Variants in EPHA6 observed in about 807,000 individuals in gnomAD.
EPHA6 encodes EPH receptor A6.
Under a neutral mutation model 112.0 loss-of-function variants are expected in EPHA6, and 50 were observed. That is an observed-to-expected ratio of 0.45 (90% confidence interval 0.36 to 0.56). The LOEUF is 0.56. Ranked by LOEUF, EPHA6 falls within the 20% of genes least tolerant of loss-of-function variation. The probability of loss-of-function intolerance (pLI) is 0.00; values close to 1 mark genes in which losing one functional copy is unlikely to be tolerated. For synonymous variants in EPHA6, 529 were observed against 490.7 expected (o/e 1.08, Z -1.03); for missense variants, 1,280 against 1,417.4 (o/e 0.90, Z 1.56).
chr3:97,410,394 T>C (rs375986980), intron 6 of EPHA6, among the ~76,000 whole-genome samples: 68 of 152,202 alleles, frequency 4.5e-4, no homozygotes, highest in African/African-American at 1.5e-3. Flanking sequence ...TCATTTTCTT[T>C]TGTTGTATTT....
intron 8 of EPHA6, among the ~76,000 whole-genome samples, chr3:97,477,424 G>A (rs545079727): frequency 7.5e-6 from 1 of 132,842 alleles, no homozygotes; most frequent in East Asian, 2.6e-4. Flanking sequence ...GAAAGAGAAA[G>A]AGAAAGAGAG....
intron 2 of EPHA6, among the ~76,000 whole-genome samples, chr3:96,924,290 T>C (rs924836268): frequency 1.3e-5 from 2 of 152,172 alleles, no homozygotes; most frequent in African/African-American, 4.8e-5. Context: ...GCATGGAATG[T>C]TTTCCATTTG....
At chr3:97,268,535 G>A (rs961719525) in intron 5 of EPHA6, among the ~76,000 whole-genome samples, 1 of 152,168 alleles carries the variant, frequency 6.6e-6, no homozygotes, top group African/African-American at 2.4e-5. Context: ...AAGCAGCTGG[G>A]AGCCTAAATA....
intron 2 of EPHA6, among the ~76,000 whole-genome samples, chr3:96,943,211 T>G (rs982149659): frequency 6.6e-6 from 1 of 152,036 alleles, no homozygotes; most frequent in Non-Finnish European, 1.5e-5. Flanking sequence ...ATATATATAT[T>G]TTTTTCTTTA....
At chr3:97,644,145 C>T (rs372017139) in intron 14 of EPHA6, among the ~76,000 whole-genome samples, 3 of 151,194 alleles carry the variant, frequency 2.0e-5, no homozygotes, top group South Asian at 4.2e-4. Context: ...CACTCAAAAC[C>T]GCTCAACTAC....
intron 5 of EPHA6, among the ~76,000 whole-genome samples, chr3:97,293,818 T>C (rs1322352847): frequency 1.3e-5 from 2 of 152,178 alleles, no homozygotes; most frequent in Admixed American, 6.5e-5. Context: ...CATCAACATG[T>C]CCATGGATCC....
Position 97,756,655 on chromosome 3 carries a change from T to C in EPHA6, c.*7954T>C, listed in dbSNP as rs2036033344. On this transcript the variant is annotated 3_prime_UTR_variant, in exon 18 of 18. Transcript: ENST00000389672. ...TCATTTTATTCTTACCAAAAAAATG[T>C]AGCTTTGATAAAATTTTATGGTTTT... Among the ~76,000 whole-genome samples, 1 of 151,868 alleles carries C rather than the reference T, an allele frequency of 6.6e-6. No individual in the cohort carries two copies. Among genetic ancestry groups the C allele is most frequent in the Non-Finnish European group, 1.5e-5 (1 of 67,772 alleles).
At chr3:97,516,199 T>C (rs1201221008) in intron 10 of EPHA6, among the ~76,000 whole-genome samples, 1 of 152,166 alleles carries the variant, frequency 6.6e-6, no homozygotes, top group Admixed American at 6.5e-5. Context: ...ACAATGATAC[T>C]AAAGCAAGAA....
intron 3 of EPHA6, among the ~76,000 whole-genome samples, chr3:97,196,368 G>A (rs1202795868): frequency 1.3e-5 from 2 of 151,640 alleles, no homozygotes; most frequent in Non-Finnish European, 2.9e-5. Context: ...TATCTGACAG[G>A]ATTCTGAATT....
intron 2 of EPHA6, among the ~76,000 whole-genome samples, chr3:96,983,762 T>C (rs535849418): frequency 3.1e-4 from 47 of 152,368 alleles, no homozygotes; most frequent in Non-Finnish European, 5.1e-4. Context: ...CTTTTTATTC[T>C]GTTTTCTCTA....
chr3:97,546,471 G>A (rs1476379520), intron 11 of EPHA6, among the ~76,000 whole-genome samples: 2 of 152,154 alleles, frequency 1.3e-5, no homozygotes, highest in South Asian at 4.1e-4. Flanking sequence ...AGGGTAACCC[G>A]ACCTTTCTCT....
At chr3:97,445,773 A>C (rs533900641) in intron 6 of EPHA6, among the ~76,000 whole-genome samples, 28 of 151,964 alleles carry the variant, frequency 1.8e-4, no homozygotes, top group Admixed American at 1.6e-3. Context: ...TGAAAAAAAG[A>C]AATTATAAAA....
At chr3:97,465,077 A>C (rs545805451) in intron 7 of EPHA6, among the ~76,000 whole-genome samples, 1 of 152,112 alleles carries the variant, frequency 6.6e-6, no homozygotes, top group Non-Finnish European at 1.5e-5. Flanking sequence ...TTGTGAAGAT[A>C]CTAGTTAAAA....
intron 5 of EPHA6, among the ~76,000 whole-genome samples, chr3:97,309,448 A>G (rs970992893): frequency 6.6e-6 from 1 of 151,644 alleles, no homozygotes; most frequent in Non-Finnish European, 1.5e-5. Context: ...AATATCAACT[A>G]TTTAGTAATA....
intron 6 of EPHA6, among the ~76,000 whole-genome samples, chr3:97,437,515 G>A (rs540187573): frequency 2.6e-4 from 39 of 152,200 alleles, no homozygotes; most frequent in African/African-American, 8.4e-4. Flanking sequence ...AGTGGCATTT[G>A]TTGCTAAGTT....
intron 10 of EPHA6, among the ~76,000 whole-genome samples, chr3:97,527,512 C>A (rs2092637914): frequency 6.6e-6 from 1 of 152,038 alleles, no homozygotes; most frequent in South Asian, 2.1e-4. Context: ...CCTCTTTACC[C>A]TGTTGGTGAG....
chr3:97,289,557 T>G (rs978938649), intron 5 of EPHA6, among the ~76,000 whole-genome samples: 1 of 152,164 alleles, frequency 6.6e-6, no homozygotes, highest in Non-Finnish European at 1.5e-5. Flanking sequence ...GTTTTGTCTA[T>G]TTCAGTTCTT....
Position 96,814,852 on chromosome 3 carries a change from C to G in EPHA6, c.229C>G (p.Leu77Val), listed in dbSNP as rs765719325. Residue 77 changes from leucine (L) to valine (V), a missense_variant, in exon 1 of 18, where the codon CTG (leucine) becomes GTG (valine). This residue lies in a region of EPHA6 where 220 missense variants were observed against 171.5 expected (regional missense o/e 1.28). Coordinates refer to ENST00000389672, the MANE Select transcript of EPHA6 (RefSeq NM_001080448.3). The stretch of plus-strand genomic sequence containing the variant: ...CCCCCATCCTACCCAGAACACCTGC[C>G]TGCGCTGCCGCCACTTCTCTTTAAG... ...KDPHPTQNTC[L>V]RCRHFSLRER... 2.6e-6 allele frequency: 4 copies of G among 1,564,642 alleles called. No individual in the cohort carries two copies. The South Asian group carries it at 4.7e-5, about 18-fold the overall frequency.
intron 5 of EPHA6, among the ~76,000 whole-genome samples, chr3:97,374,493 G>T (rs1202654461): frequency 4.6e-5 from 7 of 151,886 alleles, no homozygotes; most frequent in Non-Finnish European, 8.8e-5. Context: ...TCCTTTTTTA[G>T]TTTTCATTTT....
Sources: gnomAD v4.1 joint callset for allele counts (sites outside exome capture counted in the v4.1 genomes callset) on GRCh38, gnomAD v4.1.1 for gene constraint, gnomAD v4.1.1 regional missense constraint, MANE v1.5 for transcripts, NCBI Gene and HGNC (gene_info 2026-07-23, HGNC 2026-07-21) for gene names.